RPA2: variants seen among roughly 807,000 people sequenced by gnomAD.
RPA2 encodes replication protein A 32 kDa subunit.
In RPA2, 22 loss-of-function variants were observed where a neutral mutation model predicts 33.4. The ratio of observed to expected loss-of-function variants is 0.66; its 90% confidence interval spans 0.47 to 0.94. The LOEUF is 0.94. RPA2 is among the 40% of genes least tolerant of loss of function. RPA2 has a pLI of 0.00. For synonymous variants in RPA2, 109 were observed against 114.9 expected, an observed-to-expected ratio of 0.95 and a Z score of 0.33; for missense variants, 279 against 329.9, an observed-to-expected ratio of 0.85 and a Z score of 1.19.
intron 2 of RPA2, among the ~76,000 whole-genome samples, chr1:27,909,056 T>C (rs1026222502): frequency 2.0e-5 from 3 of 152,126 alleles, no homozygotes; most frequent in African/African-American, 7.2e-5. Flanking sequence ...AGCACGAGAA[T>C]TTCAACAGCG....
At chr1:27,895,679 C>A (rs553469445) in intron 6 of RPA2, among the ~76,000 whole-genome samples, 1 of 151,888 alleles carries the variant, frequency 6.6e-6, no homozygotes, top group African/African-American at 2.4e-5. Flanking sequence ...TGCAGTGAGC[C>A]GAGATCGCAC....
In RPA2 at chr1:27,892,249, T is replaced by TAGAA. The variant is rs1315186908; in HGVS notation, c.729-6_729-3dup. ...TTGCTCAGAAAATCCACAGCTTGCC[T>TAGAA]AGAAAGAAAGAAGAAAAAAAAAAGG... On this transcript the variant is annotated splice_polypyrimidine_tract_variant and splice_region_variant and intron_variant, in intron 8 of 8. Transcript: ENST00000373912. 1.9e-6 allele frequency: 3 copies of TAGAA among 1,605,524 alleles called. No homozygotes were observed. The highest frequency in any genetic ancestry group is 1.7e-4 in the Middle Eastern group (1 of 6,036).
rs565547090 is a variant in RPA2, at chr1:27,906,258, T to C, written c.333+670A>G. Among the ~76,000 whole-genome samples the C allele has an allele frequency of 1.3e-4, 20 of 151,712 alleles. 1 individual carries two copies. The highest frequency in any genetic ancestry group is 4.4e-5 in the Non-Finnish European group (3 of 67,872). On this transcript the variant is annotated intron_variant, in intron 4 of 8. Transcript: ENST00000373912. Reference sequence around the variant, plus strand: ...GGCGGGTGCCTGTAATCCCAGCTACTTGGGAGGCTGAGGCAGGAGAACTGC... The same window carrying C: ...GGCGGGTGCCTGTAATCCCAGCTACCTGGGAGGCTGAGGCAGGAGAACTGC...
intron 2 of RPA2, among the ~76,000 whole-genome samples, chr1:27,911,963 G>A (rs1238235858): frequency 2.0e-5 from 3 of 151,776 alleles, no homozygotes; most frequent in Admixed American, 1.3e-4. Context: ...GTGTGGTGGC[G>A]GGCGCCTGTA....
chr1:27,897,546 G>A (rs2089908470), intron 5 of RPA2, 87 bp downstream of exon 5: 1 of 849,930 alleles, frequency 1.2e-6, no homozygotes, highest in Non-Finnish European at 1.8e-6. Context: ...GGAGACTTAA[G>A]TATTTTAACT....
Position 27,892,250 on chromosome 1 carries a change from A to T in RPA2, c.729-3T>A. 1 of 1,610,926 alleles carries T rather than the reference A, an allele frequency of 6.2e-7. No individual in the cohort carries two copies. Among genetic ancestry groups the T allele is most frequent in the Non-Finnish European group, 8.5e-7 (1 of 1,177,790 alleles). On this transcript the variant is annotated splice_region_variant and splice_polypyrimidine_tract_variant and intron_variant, in intron 8 of 8. Transcript: ENST00000373912. ...TGCTCAGAAAATCCACAGCTTGCCT[A>T]GAAAGAAAGAAGAAAAAAAAAAGGT...
At chr1:27,908,482 A>C (rs958431169) in intron 2 of RPA2, among the ~76,000 whole-genome samples, 1 of 151,820 alleles carries the variant, frequency 6.6e-6, no homozygotes, top group Non-Finnish European at 1.5e-5. Context: ...AACAGTATCT[A>C]GTGAGCACAC....
chr1:27,901,740 CT>C (rs2089970277), intron 4 of RPA2, among the ~76,000 whole-genome samples: 1 of 151,940 alleles, frequency 6.6e-6, no homozygotes, highest in Admixed American at 6.6e-5. Context: ...GAAAGGTAAA[CT>C]AGAAAAAACT....
At chr1:27,907,446 C>T (rs2090043521) in intron 2 of RPA2, among the ~76,000 whole-genome samples, 164 bp from the exon 3 acceptor site, 1 of 152,176 alleles carries the variant, frequency 6.6e-6, no homozygotes, top group African/African-American at 2.4e-5. Flanking sequence ...ATATAGCAAA[C>T]CAATACCACA....
intron 4 of RPA2, among the ~76,000 whole-genome samples, chr1:27,906,595 C>A (rs2090031338): frequency 6.6e-6 from 1 of 152,130 alleles, no homozygotes; most frequent in South Asian, 2.1e-4. Context: ...GAGGCTGAGG[C>A]ACAGGATCGC....
chr1:27,904,165 CA>C (rs11334227), intron 4 of RPA2, among the ~76,000 whole-genome samples: 57,873 of 123,200 alleles, frequency 0.47, 11,732 homozygotes, highest in African/African-American at 0.58. Flanking sequence ...AGCTCCATCT[CA>C]AAAAAAAAAA....
intron 4 of RPA2, among the ~76,000 whole-genome samples, chr1:27,899,189 G>A (rs1187481098): frequency 1.3e-5 from 2 of 151,602 alleles, no homozygotes; most frequent in Admixed American, 6.6e-5. Flanking sequence ...CCTGGCCAAC[G>A]TGGTGAAACC....
Position 27,914,186 on chromosome 1 carries a change from G to A in RPA2, c.11-17C>T. On this transcript the variant is annotated splice_polypyrimidine_tract_variant and intron_variant, in intron 1 of 8. Transcript: ENST00000373912. ...CGAATCCACCTGTTTTGAACAACAG[G>A]ATTAGTGCCTGTGCCACGTCCCACG... is the stretch of plus-strand genomic sequence containing the variant. 3 of 1,613,666 alleles carry A rather than the reference G, an allele frequency of 1.9e-6. No individual in the cohort carries two copies. The highest frequency in any genetic ancestry group is 1.7e-5 in the Admixed American group (1 of 59,946).
intron 6 of RPA2, 93 bp downstream of exon 6, chr1:27,896,912 C>A: frequency 1.2e-6 from 1 of 843,620 alleles, no homozygotes; most frequent in Non-Finnish European, 1.9e-6. Context: ...TCTGGCTCGG[C>A]CTTCAAAATA....
chr1:27,908,340 G>A (rs1156285581), intron 2 of RPA2, among the ~76,000 whole-genome samples: 1 of 151,768 alleles, frequency 6.6e-6, no homozygotes, highest in African/African-American at 2.4e-5. Flanking sequence ...ATGTTGCCCA[G>A]GCTGGTCTTA....
intron 4 of RPA2, among the ~76,000 whole-genome samples, chr1:27,901,010 T>G (rs1454823136): frequency 6.6e-6 from 1 of 152,206 alleles, no homozygotes; most frequent in Non-Finnish European, 1.5e-5. Context: ...CTGTGAACAT[T>G]GTTAAAACGA....
At chr1:27,897,959 G>A (rs1339460091) in intron 4 of RPA2, among the ~76,000 whole-genome samples, 1 of 152,142 alleles carries the variant, frequency 6.6e-6, no homozygotes, top group African/African-American at 2.4e-5. Flanking sequence ...AAACAATTGT[G>A]ACACTCTCGT....
At chr1:27,907,640 GTGC>G (rs1203428309) in intron 2 of RPA2, among the ~76,000 whole-genome samples, 1 of 152,194 alleles carries the variant, frequency 6.6e-6, no homozygotes, top group East Asian at 1.9e-4. Flanking sequence ...AGACAGGCTG[GTGC>G]TGCTGTTCAG....
At chr1:27,903,647 A>G (rs939942900) in intron 4 of RPA2, among the ~76,000 whole-genome samples, 1 of 151,568 alleles carries the variant, frequency 6.6e-6, no homozygotes, top group Non-Finnish European at 1.5e-5. Context: ...TGAACCCGAG[A>G]AGCAGAGGTT....
Sources: gnomAD v4.1 joint callset for allele counts (sites outside exome capture counted in the v4.1 genomes callset) on GRCh38, gnomAD v4.1.1 for gene constraint, MANE v1.5 for transcripts, NCBI Gene and HGNC (gene_info 2026-07-23, HGNC 2026-07-21) for gene names.